Variants in ULK2 observed in about 807,000 individuals in gnomAD.
ULK2 encodes the protein serine/threonine-protein kinase ULK2.
ULK2 carries 76 observed loss-of-function variants against 127.5 expected under a neutral mutation model. The observed-to-expected ratio is 0.60, with a 90% CI of 0.50 to 0.72. The LOEUF is 0.72. ULK2 is among the 30% of genes least tolerant of loss of function. ULK2 has a pLI of 0.00. For missense variants in ULK2, 1,144 were observed against 1,295.9 expected, an observed-to-expected ratio of 0.88 and a Z score of 1.80; for synonymous variants, 452 against 461.9, an observed-to-expected ratio of 0.98 and a Z score of 0.28.
At chr17:19,793,204 T>C (rs1317111761) in intron 20 of ULK2, among the ~76,000 whole-genome samples, 1 of 152,046 alleles carries the variant, frequency 6.6e-6, no homozygotes, top group Non-Finnish European at 1.5e-5. Flanking sequence ...TATAAAACCA[T>C]CATATCTCGT....
intron 10 of ULK2, among the ~76,000 whole-genome samples, chr17:19,833,079 T>A (rs1459325909): frequency 2.2e-5 from 3 of 138,434 alleles, no homozygotes; most frequent in African/African-American, 8.6e-5. Context: ...GCTGAGATCA[T>A]GCCATTGCAC....
intron 3 of ULK2, among the ~76,000 whole-genome samples, chr17:19,856,731 G>C (rs1445109262): frequency 6.6e-6 from 1 of 151,714 alleles, no homozygotes; most frequent in African/African-American, 2.4e-5. Flanking sequence ...CCAGCACTTT[G>C]GGTGGCCGAG....
At chr17:19,788,877 G>A (rs1487121260) in intron 20 of ULK2, among the ~76,000 whole-genome samples, 2 of 152,194 alleles carry the variant, frequency 1.3e-5, no homozygotes, top group Non-Finnish European at 1.5e-5. Context: ...AGGAAAGACC[G>A]GGAAGGACTT....
chr17:19,867,039 T>C lies in ULK2; in HGVS notation c.90+289A>G, dbSNP rs534347295. ...ACGGTGCAGTACCGTCTATTTTGGG[T>C]CCAGGGTAACCTGGGTGCAAACGCT... On this transcript the variant is annotated intron_variant, in intron 1 of 26. Transcript: ENST00000395544. Among the ~76,000 whole-genome samples the C allele has an allele frequency of 2.0e-5, 3 of 152,270 alleles. No individual in the cohort carries two copies. The South Asian group carries it at 6.2e-4, about 32-fold the overall frequency.
At position 19,849,356 on chromosome 17, in the gene ULK2, C is replaced by T; in HGVS notation, c.295+13G>A. ...ACTGTCTTTACTGAACACTGACACA[C>T]ATACACAGTTACCTTGCAAATAATC... On this transcript the variant is annotated intron_variant, in intron 5 of 26. Transcript: ENST00000395544. The T allele has an allele frequency of 6.2e-7, 1 of 1,607,198 alleles. No homozygotes were observed.
chr17:19,806,431 T>C (rs1043192658), intron 14 of ULK2, among the ~76,000 whole-genome samples: 24 of 152,152 alleles, frequency 1.6e-4, no homozygotes, highest in Non-Finnish European at 2.9e-4. Context: ...AGCAACCTCA[T>C]AATTCTAAGC....
rs1047752612 is a variant in ULK2, at chr17:19,773,930, C to T, written c.*2419G>A. Reference sequence around the variant, plus strand: ...CAACTGTTGCTCTAGTTACTTCTCTCAATGGAAGGAGGGGACAGGGACTGT... The same window carrying T: ...CAACTGTTGCTCTAGTTACTTCTCTTAATGGAAGGAGGGGACAGGGACTGT... On this transcript the variant is annotated 3_prime_UTR_variant, in exon 27 of 27. Transcript: ENST00000395544. 1 of 152,204 alleles carries T rather than the reference C, an allele frequency of 6.6e-6. No homozygotes were observed. Among genetic ancestry groups the T allele is most frequent in the African/African-American group, 2.4e-5 (1 of 41,430 alleles). 9.4% of individuals were successfully genotyped at this position (152,204 alleles called of 1,614,324 possible).
intron 13 of ULK2, among the ~76,000 whole-genome samples, chr17:19,812,297 A>T (rs534905657): frequency 4.6e-4 from 70 of 152,248 alleles, no homozygotes; most frequent in Non-Finnish European, 7.9e-4. Flanking sequence ...TCATGGAGGG[A>T]GGGGTGAGTA....
At chr17:19,800,401 C>T (rs983076082) in intron 16 of ULK2, among the ~76,000 whole-genome samples, 52 of 152,228 alleles carry the variant, frequency 3.4e-4, no homozygotes, top group African/African-American at 1.1e-3. Flanking sequence ...GATTAAGCAG[C>T]GGGCAGAGAT....
intron 14 of ULK2, among the ~76,000 whole-genome samples, chr17:19,807,856 T>C (rs1363510815): frequency 1.3e-5 from 2 of 152,012 alleles, no homozygotes; most frequent in African/African-American, 4.8e-5. Flanking sequence ...ATCAAATTGT[T>C]TAAGGTTTGG....
intron 23 of ULK2, among the ~76,000 whole-genome samples, chr17:19,781,450 A>G (rs931906550): frequency 2.6e-5 from 4 of 151,608 alleles, no homozygotes; most frequent in African/African-American, 9.7e-5. Flanking sequence ...GATTCATCAT[A>G]TTGCCCAGGC....
At chr17:19,846,398 C>CG (rs2041882955) in intron 6 of ULK2, among the ~76,000 whole-genome samples, 1 of 151,542 alleles carries the variant, frequency 6.6e-6, no homozygotes, top group Admixed American at 6.6e-5. Flanking sequence ...CCAGCACTTG[C>CG]GGAAGCTGAG....
At chr17:19,838,406 C>A in intron 10 of ULK2, 95 bp downstream of exon 10, 1 of 1,119,112 alleles carries the variant, frequency 8.9e-7, no homozygotes, top group Non-Finnish European at 1.3e-6. Flanking sequence ...AAAAGTGAAA[C>A]TGACTTTAAT....
At chr17:19,818,836 T>C (rs1488498153) in intron 12 of ULK2, among the ~76,000 whole-genome samples, 1 of 141,704 alleles carries the variant, frequency 7.1e-6, no homozygotes, top group Non-Finnish European at 1.5e-5. Flanking sequence ...AGTCTCACTG[T>C]GTCACCCAGG....
At chr17:19,862,577 T>A (rs1320885566) in intron 3 of ULK2, among the ~76,000 whole-genome samples, 1 of 152,000 alleles carries the variant, frequency 6.6e-6, no homozygotes, top group East Asian at 1.9e-4. Context: ...GCAATTCTCC[T>A]GCCTCAGGCT....
chr17:19,792,368 T>C (rs772327603), intron 20 of ULK2, among the ~76,000 whole-genome samples: 1 of 152,170 alleles, frequency 6.6e-6, no homozygotes, highest in Non-Finnish European at 1.5e-5. Flanking sequence ...AAAGCCCTCA[T>C]GAATGGATTA....
chr17:19,866,047 A>G (rs1337414760), intron 1 of ULK2, among the ~76,000 whole-genome samples: 1 of 152,258 alleles, frequency 6.6e-6, no homozygotes, highest in Non-Finnish European at 1.5e-5. Context: ...TCCACATGGT[A>G]ACTAACATTA....
rs2042386295 is a variant in ULK2, at chr17:19,867,705, G to A, written c.-288C>T. The A allele has an allele frequency of 2.6e-5, 5 of 189,440 alleles. No individual in the cohort carries two copies. In the South Asian group the frequency reaches 9.5e-4, roughly 36 times the overall value. The allele number at this position is 189,440 out of a possible 1,614,324, so 11.7% of individuals were successfully genotyped here. On this transcript the variant is annotated 5_prime_UTR_variant, in exon 1 of 27. Transcript: ENST00000395544. ...GCGGCCTCGGCGCTGCCGGGCCAGG[G>A]GTGCCGTCACCGTCACTGTGCGCGC...
intron 18 of ULK2, 137 bp downstream of exon 18, chr17:19,797,259 T>C (rs761481565): frequency 6.5e-5 from 63 of 966,496 alleles, no homozygotes; most frequent in Non-Finnish European, 8.8e-5. Flanking sequence ...GTTGTGCCAC[T>C]GCACTCCAGC....
Sources: allele counts gnomAD v4.1 joint callset (sites outside exome capture counted in the v4.1 genomes callset), GRCh38; gene constraint gnomAD v4.1.1; transcripts MANE v1.5; gene names NCBI Gene and HGNC (gene_info 2026-07-23, HGNC 2026-07-21).